SEZ6L: variants seen among roughly 807,000 people sequenced by gnomAD.
The protein encoded by SEZ6L is seizure 6-like protein.
A neutral mutation model predicts 106.2 loss-of-function variants in SEZ6L; 37 were observed. The ratio of observed to expected loss-of-function variants is 0.35; its 90% CI spans 0.27 to 0.46. SEZ6L has a LOEUF of 0.46. SEZ6L is among the 20% of genes least tolerant of loss of function. SEZ6L has a pLI of 1.00. For synonymous variants in SEZ6L, 541 were observed against 570.4 expected (o/e 0.95, Z 0.73); for missense variants, 1,172 against 1,332.8 (o/e 0.88, Z 1.88).
intron 13 of SEZ6L, among the ~76,000 whole-genome samples, chr22:26,368,821 C>T (rs1474796696): frequency 2.0e-5 from 3 of 151,936 alleles, no homozygotes; most frequent in Non-Finnish European, 2.9e-5. Flanking sequence ...AGCCATCTTA[C>T]CTGTTTTACA....
At chr22:26,229,363 C>T (rs920092328) in intron 1 of SEZ6L, among the ~76,000 whole-genome samples, 9 of 152,118 alleles carry the variant, frequency 5.9e-5, no homozygotes, top group Non-Finnish European at 1.0e-4. Flanking sequence ...GGCTCTGCCC[C>T]GGGCTTGTAA....
intron 1 of SEZ6L, among the ~76,000 whole-genome samples, chr22:26,271,631 C>T (rs1569434566): frequency 6.6e-6 from 1 of 152,142 alleles, no homozygotes; most frequent in Non-Finnish European, 1.5e-5. Flanking sequence ...GGGACCTCCC[C>T]CTTCTCTCTC....
At chr22:26,246,737 AT>A (rs1200928817) in intron 1 of SEZ6L, among the ~76,000 whole-genome samples, 1 of 152,222 alleles carries the variant, frequency 6.6e-6, no homozygotes, top group African/African-American at 2.4e-5. Flanking sequence ...GCGCCTGGAA[AT>A]GTTTATTGCA....
intron 1 of SEZ6L, among the ~76,000 whole-genome samples, chr22:26,186,335 A>T (rs1294002961): frequency 6.6e-6 from 1 of 152,198 alleles, no homozygotes; most frequent in African/African-American, 2.4e-5. Context: ...AAAAGCAATG[A>T]TTCAGTTGTT....
At chr22:26,296,765 G>A (rs971139899) in intron 3 of SEZ6L, 123 bp from the exon 4 acceptor site, 3 of 757,306 alleles carry the variant, frequency 4.0e-6, no homozygotes, top group Non-Finnish European at 5.8e-6. Context: ...GGGGCCCAGG[G>A]GTCCCGTTGA....
chr22:26,330,769 T>C (rs147724010), intron 9 of SEZ6L, among the ~76,000 whole-genome samples: 23 of 152,372 alleles, frequency 1.5e-4, no homozygotes, highest in Middle Eastern at 3.4e-3. Context: ...TGCGTGTAAA[T>C]TGGCTTGCCT....
intron 1 of SEZ6L, among the ~76,000 whole-genome samples, chr22:26,216,669 GAAAAGA>G (rs67514039): frequency 0.43 from 65,557 of 150,830 alleles, 14,837 homozygotes; most frequent in Non-Finnish European, 0.51. Context: ...AAAGAAAAAG[GAAAAGA>G]AAAAGAAAAA....
At chr22:26,366,325 T>G (rs1448891383) in intron 13 of SEZ6L, among the ~76,000 whole-genome samples, 1 of 144,506 alleles carries the variant, frequency 6.9e-6, no homozygotes, top group Non-Finnish European at 1.5e-5. Flanking sequence ...CACAGCGAGA[T>G]TCTATCTAAA....
intron 10 of SEZ6L, among the ~76,000 whole-genome samples, chr22:26,346,767 C>G (rs2083020996): frequency 6.6e-6 from 1 of 152,208 alleles, no homozygotes; most frequent in African/African-American, 2.4e-5. Context: ...CACAATATGG[C>G]AGCTGCTTCC....
At chr22:26,233,742 G>A (rs1225884716) in intron 1 of SEZ6L, among the ~76,000 whole-genome samples, 1 of 152,176 alleles carries the variant, frequency 6.6e-6, no homozygotes, top group Non-Finnish European at 1.5e-5. Context: ...AATAAGCAAG[G>A]TAATTTGAAA....
At chr22:26,341,283 C>A (rs2082826816) in intron 10 of SEZ6L, among the ~76,000 whole-genome samples, 1 of 151,940 alleles carries the variant, frequency 6.6e-6, no homozygotes. Flanking sequence ...AAAAAAAAAA[C>A]CTGCTATCAA....
chr22:26,227,676 C>T (rs536731648), intron 1 of SEZ6L, among the ~76,000 whole-genome samples: 153 of 151,470 alleles, frequency 1.0e-3, no homozygotes, highest in African/African-American at 3.3e-3. Context: ...ACCTCGGCCT[C>T]TCAAAGCACT....
chr22:26,288,063 G>A (rs150851769), intron 1 of SEZ6L, among the ~76,000 whole-genome samples: 114 of 152,304 alleles, frequency 7.5e-4, no homozygotes, highest in Admixed American at 1.6e-3. Context: ...AGCCAGTTGG[G>A]GAATCTGTTT....
chr22:26,228,868 GTTTTT>G (rs2078713531), intron 1 of SEZ6L, among the ~76,000 whole-genome samples: 1 of 152,180 alleles, frequency 6.6e-6, no homozygotes, highest in Non-Finnish European at 1.5e-5. Flanking sequence ...GCCTCCTCAA[GTTTTT>G]ACTCTAAGCA....
chr22:26,207,691 C>T (rs1177146061), intron 1 of SEZ6L, among the ~76,000 whole-genome samples: 4 of 151,648 alleles, frequency 2.6e-5, no homozygotes, highest in African/African-American at 9.7e-5. Flanking sequence ...TACATTTTTG[C>T]ATTTTGGGTG....
At chr22:26,288,861 C>G (rs2081018229) in intron 1 of SEZ6L, among the ~76,000 whole-genome samples, 1 of 152,160 alleles carries the variant, frequency 6.6e-6, no homozygotes, top group South Asian at 2.1e-4. Context: ...CTCTCTCATC[C>G]CCACTTATAA....
chr22:26,327,394 C>T (rs2082345449), intron 9 of SEZ6L, among the ~76,000 whole-genome samples: 1 of 141,494 alleles, frequency 7.1e-6, no homozygotes, highest in South Asian at 2.2e-4. Context: ...ACACCATACA[C>T]ACACCACATA....
At chr22:26,221,687 C>T (rs2078473339) in intron 1 of SEZ6L, among the ~76,000 whole-genome samples, 1 of 151,916 alleles carries the variant, frequency 6.6e-6, no homozygotes, top group Non-Finnish European at 1.5e-5. Flanking sequence ...AGAAAAGCAC[C>T]ATCTCTCGTA....
chr22:26,354,300 A>G (rs1467658014), intron 12 of SEZ6L, among the ~76,000 whole-genome samples: 1 of 152,230 alleles, frequency 6.6e-6, no homozygotes, highest in East Asian at 1.9e-4. Flanking sequence ...CTGGACACAG[A>G]TGGGGACACA....
Sources: gnomAD v4.1 joint callset for allele counts (sites outside exome capture counted in the v4.1 genomes callset) on GRCh38, gnomAD v4.1.1 for gene constraint, MANE v1.5 for transcripts, NCBI Gene and HGNC (gene_info 2026-07-23, HGNC 2026-07-21) for gene names.